The following CABP4 variants were observed in gnomAD, a reference collection of about 807,000 sequenced individuals.
CABP4 encodes calcium binding protein 4.
A neutral mutation model predicts 30.7 loss-of-function variants in CABP4; 30 were observed. The ratio of observed to expected loss-of-function variants is 0.98; its 90% CI spans 0.73 to 1.33. The LOEUF is 1.33. Ranked by LOEUF, CABP4 falls within the 40% of genes most tolerant of loss-of-function variation. CABP4 has a pLI of 0.00. For missense variants in CABP4, 424 were observed against 395.5 expected, an observed-to-expected ratio of 1.07 and a Z score of -0.61; for synonymous variants, 161 against 159.2, an observed-to-expected ratio of 1.01 and a Z score of -0.08.
At position 67,461,021 on chromosome 11, in the gene CABP4, G is replaced by A. The variant is rs1175063787; in HGVS notation, c.*2362G>A. 1.3e-5 allele frequency among the ~76,000 whole-genome samples: 2 copies of A among 151,898 alleles called. No homozygotes were observed. Among genetic ancestry groups the A allele is most frequent in the Non-Finnish European group, 2.9e-5 (2 of 67,992 alleles). On this transcript the variant is annotated 3_prime_UTR_variant, in exon 6 of 6. Coordinates refer to ENST00000325656, the MANE Select transcript of CABP4 (RefSeq NM_145200.5). Reference sequence around the variant, plus strand: ...AAAAAAAAGGTCACTGGAAGACTGGGTGTGGTGGCTTATGCCTGTAATCCC... The same window carrying A: ...AAAAAAAAGGTCACTGGAAGACTGGATGTGGTGGCTTATGCCTGTAATCCC...
chr11:67,455,991 C>T lies in CABP4; in HGVS notation c.367-197C>T, dbSNP rs1343512085. On this transcript the variant is annotated intron_variant, in intron 1 of 5. Coordinates refer to ENST00000325656, the MANE Select transcript of CABP4 (RefSeq NM_145200.5). ...GCGGTGGGCAGAGCCAGAATTCACA[C>T]CAGGGCTCTGTGGGAGCTCCAGGCT... is the stretch of plus-strand genomic sequence containing the variant. The T allele has an allele frequency of 9.2e-6, 11 of 1,198,080 alleles. No individual in the cohort carries two copies. In the Admixed American group the frequency reaches 1.3e-4, roughly 15 times the overall value. 74.2% of individuals were successfully genotyped at this position (1,198,080 alleles called of 1,614,324 possible).
rs1046041244 is a variant in CABP4 at position 67,461,326 on chromosome 11, C to A, written c.*2667C>A. 6.6e-6 allele frequency among the ~76,000 whole-genome samples: 1 copy of A among 152,052 alleles called. No homozygotes were observed. Among genetic ancestry groups the A allele is most frequent in the Admixed American group, 6.6e-5 (1 of 15,244 alleles). On this transcript the variant is annotated 3_prime_UTR_variant, in exon 6 of 6. Transcript: ENST00000325656. Reference sequence around the variant, plus strand: ...CAGATAAGTCCTTGGGAGTCTCAGACGGAGGACATACATAGAGAATGAACA... The same window carrying A: ...CAGATAAGTCCTTGGGAGTCTCAGAAGGAGGACATACATAGAGAATGAACA...
intron 2 of CABP4, 34 bp from the exon 3 acceptor site, chr11:67,456,265 C>T: frequency 6.2e-7 from 1 of 1,613,770 alleles, no homozygotes; most frequent in African/African-American, 1.3e-5. Context: ...GTCCCTGAGC[C>T]TGGCCACCTG....
intron 1 of CABP4, 25 bp from the exon 2 acceptor site, chr11:67,456,163 G>C (rs1313385031): frequency 6.2e-7 from 1 of 1,613,126 alleles, no homozygotes; most frequent in Admixed American, 1.7e-5. Flanking sequence ...TGGCCCTGGG[G>C]ACATCCTGGA....
chr11:67,459,027 CTTATGT>C lies in CABP4; in HGVS notation c.*373_*378del, dbSNP rs1322174679. ...GAGGATGGCTGGACCCCTTCCACTA[CTTATGT>C]TTATAATTTTTTTTTTTTTTAATGA... On this transcript the variant is annotated 3_prime_UTR_variant, in exon 6 of 6. Coordinates refer to ENST00000325656, the MANE Select transcript of CABP4 (RefSeq NM_145200.5). 22 of 324,734 alleles carry C rather than the reference CTTATGT, an allele frequency of 6.8e-5. No individual in the cohort carries two copies. The highest frequency in any genetic ancestry group is 4.0e-4 in the Admixed American group (9 of 22,344). 20.1% of individuals were successfully genotyped at this position (324,734 alleles called of 1,614,324 possible). A position where few individuals can be genotyped will look rare whatever the true frequency, so the allele number is the denominator to read the frequency against.
At chr11:67,458,127 T>C (rs1326946822) in intron 4 of CABP4, among the ~76,000 whole-genome samples, 1 of 152,080 alleles carries the variant, frequency 6.6e-6, no homozygotes, top group East Asian at 1.9e-4. Flanking sequence ...AGGGTTGTGG[T>C]GGGCACCTGT....
Position 67,456,201 on chromosome 11 carries a change from GC to G in CABP4, c.384del (p.Glu129ArgfsTer3), listed in dbSNP as rs1313338150. On this transcript the variant is annotated frameshift_variant, in exon 2 of 6. Coordinates refer to ENST00000325656, the MANE Select transcript of CABP4 (RefSeq NM_145200.5). LOFTEE classifies it high-confidence loss of function. ...CTCCCCCTGCAGGACCGCGAACTGG[GC>G]CCCGAGGAGCTAGACGGTGAGTGGC... Reference protein sequence around the residue: ...NRVFGKDRELGPEELDELQAA... With the variant: ...NRVFGKDRELXPEELDELQAA... 1 of 1,613,320 alleles carries G rather than the reference GC, an allele frequency of 6.2e-7. No individual in the cohort carries two copies. The highest frequency in any genetic ancestry group is 8.5e-7 in the Non-Finnish European group (1 of 1,179,994).
chr11:67,457,618 C>G lies in CABP4; in HGVS notation c.587C>G (p.Pro196Arg), dbSNP rs765512601. ...GAGGAGTTTGTAGAACTGATAGGCC[C>G]AAAGCTGAGGGAGGAGACGGCGCAC... ...DFEEFVELIGPKLREETAHML... is the reference protein window; with the variant it reads ...DFEEFVELIGRKLREETAHML... The change falls in exon 4 of 6, where the codon CCA (proline) becomes CGA (arginine). Residue 196 changes from proline (P) to arginine (R), a missense_variant. Physicochemically the swap from Pro to Arg is moderately radical, Grantham distance 103 (BLOSUM62 -2). Transcript: ENST00000325656. The G allele has an allele frequency of 6.2e-7, 1 of 1,605,576 alleles. No individual in the cohort carries two copies. The highest frequency in any genetic ancestry group is 1.1e-5 in the South Asian group (1 of 89,286).
upstream of CABP4, chr11:67,453,797 C>T (rs1864659500): frequency 6.6e-6 from 1 of 152,264 alleles, no homozygotes. Flanking sequence ...TTGGTCCGCT[C>T]ATCACAAGGC....
In CABP4 at chr11:67,460,991, A is replaced by G. The variant is rs1263977322; in HGVS notation, c.*2332A>G. ...CAGAGCGAGACTCCGTCTCGGAAAA[A>G]AAAAAAAAAAAAGGTCACTGGAAGA... On this transcript the variant is annotated 3_prime_UTR_variant, in exon 6 of 6. Transcript: ENST00000325656. 6.9e-6 allele frequency among the ~76,000 whole-genome samples: 1 copy of G among 145,958 alleles called. No individual in the cohort carries two copies. The highest frequency in any genetic ancestry group is 1.5e-5 in the Non-Finnish European group (1 of 66,376).
upstream of CABP4, chr11:67,453,245 A>C (rs982352245): frequency 6.5e-6 from 1 of 153,724 alleles, no homozygotes; most frequent in African/African-American, 2.4e-5. Context: ...TGATCCTCCT[A>C]CCTTGGCCTC....
At chr11:67,455,325 C>G, upstream of CABP4, 1 of 1,473,948 alleles carries the variant, frequency 6.8e-7, no homozygotes, top group Non-Finnish European at 9.1e-7. Context: ...ATCCTAGGCT[C>G]TCAGCTCTAA....
Position 67,458,928 on chromosome 11 carries a change from G to A in CABP4, c.*269G>A, listed in dbSNP as rs1375674961. On this transcript the variant is annotated 3_prime_UTR_variant, in exon 6 of 6. Transcript: ENST00000325656. The stretch of plus-strand genomic sequence containing the variant: ...TGTGAGCAAGATTTGGGTCTCTCCA[G>A]ACCTCTGGGAGGTAGGGAGTTCCCT... 1.8e-6 allele frequency: 1 copy of A among 556,268 alleles called. No homozygotes were observed. The highest frequency in any genetic ancestry group is 3.1e-5 in the East Asian group (1 of 32,236). The allele number at this position is 556,268 out of a possible 1,614,324, so 34.5% of individuals were successfully genotyped here.
upstream of CABP4, among the ~76,000 whole-genome samples, chr11:67,454,619 A>T (rs1260637418): frequency 2.0e-5 from 3 of 152,180 alleles, no homozygotes; most frequent in Admixed American, 6.5e-5. Flanking sequence ...GCGGGTGGGC[A>T]GGAAACCCAA....
At chr11:67,452,580 A>G (rs764639952), upstream of CABP4, 1 of 1,611,574 alleles carries the variant, frequency 6.2e-7, no homozygotes, top group Non-Finnish European at 8.5e-7. Context: ...CACGCCATCA[A>G]CCCATTGGCT....
At position 67,455,433 on chromosome 11, in the gene CABP4, G is replaced by C. The variant is rs143494300; in HGVS notation, c.10G>C (p.Glu4Gln). 1.3e-4 allele frequency: 217 copies of C among 1,610,002 alleles called. 1 individual carries two copies. The highest frequency in any genetic ancestry group is 7.9e-4 in the Admixed American group (47 of 59,662). Reference protein sequence around the residue: MTTEQARGQQGPNL... With the variant: MTTQQARGQQGPNL... ...CTGTTATCCCTCCCCCATGACCACA[G>C]AGCAGGCAAGGGGGCAGCAGGGCCC... Residue 4 changes from glutamate to glutamine, a missense_variant, in exon 1 of 6, where the codon GAG (glutamate) becomes CAG (glutamine). Physicochemically the swap from Glu to Gln is conservative, Grantham distance 29. Transcript: ENST00000325656.
chr11:67,454,514 A>C (rs1565159336), upstream of CABP4, among the ~76,000 whole-genome samples: 4 of 152,114 alleles, frequency 2.6e-5, no homozygotes, highest in African/African-American at 9.7e-5. Flanking sequence ...CGATGGGTGG[A>C]AGGAGCAGGA....
chr11:67,458,494 G>A lies in CABP4; in HGVS notation c.775G>A (p.Gly259Arg). Residue 259 changes from glycine to arginine, a missense_variant, in exon 5 of 6, where the codon GGG (glycine) becomes AGG (arginine). By Grantham distance (125) the Gly-to-Arg change is moderately radical. Transcript: ENST00000325656. ...GATGCTCCGAGAAGTGGACCTCAAT[G>A]GGGATGGCACCGTAGACTTTGACGG... ...DEMLREVDLN[G>R]DGTVDFDEFV... 6.2e-7 allele frequency: 1 copy of A among 1,614,062 alleles called. No homozygotes were observed. The highest frequency in any genetic ancestry group is 8.5e-7 in the Non-Finnish European group (1 of 1,180,012).
Position 67,455,471 on chromosome 11 carries a change from T to C in CABP4, c.48T>C (p.Ile16=). ...ARGQQGPNLA[I]GRQKPPAGVV... ...GGCAGCAGGGCCCAAATCTGGCCAT[T>C]GGCCGTCAGAAGCCCCCTGCGGGGG... Residue 16 remains isoleucine (I), a synonymous_variant, in exon 1 of 6, where the codon ATT becomes ATC. Coordinates refer to ENST00000325656, the MANE Select transcript of CABP4 (RefSeq NM_145200.5). 1 of 1,611,306 alleles carries C rather than the reference T, an allele frequency of 6.2e-7. No homozygotes were observed.
Sources: allele counts gnomAD v4.1 joint callset (sites outside exome capture counted in the v4.1 genomes callset), GRCh38; gene constraint gnomAD v4.1.1; transcripts MANE v1.5; gene names NCBI Gene and HGNC (gene_info 2026-07-23, HGNC 2026-07-21).